The following NFX1 variants were observed in gnomAD, a reference collection of about 807,000 sequenced individuals.
The protein encoded by NFX1 is transcriptional repressor NF-X1.
Under a neutral mutation model 137.2 loss-of-function variants are expected in NFX1, and 69 were observed. That is an observed-to-expected ratio of 0.50 (90% confidence interval 0.41 to 0.61). The LOEUF (loss-of-function observed/expected upper bound fraction) is 0.61. NFX1 is among the 20% of genes least tolerant of loss of function. The probability of loss-of-function intolerance (pLI) is 0.00; values close to 1 mark genes in which losing one functional copy is unlikely to be tolerated. For missense variants in NFX1, 1,167 were observed against 1,391.0 expected (o/e 0.84, Z 2.56); for synonymous variants, 495 against 474.1 (o/e 1.04, Z -0.57).
chr9:33,352,770 A>T (rs536249406), intron 17 of NFX1, 51 bp downstream of exon 17: 4 of 1,473,440 alleles, frequency 2.7e-6, no homozygotes, highest in Admixed American at 1.7e-5. Flanking sequence ...AAACAGATAC[A>T]TGTGTTTTGT....
chr9:33,351,930 T>C, intron 16 of NFX1, 140 bp downstream of exon 16: 1 of 765,638 alleles, frequency 1.3e-6, no homozygotes, highest in East Asian at 2.9e-5. Flanking sequence ...TAGAGAAAGG[T>C]AGAGTAAGTC....
At chr9:33,344,840 T>C (rs1823356062) in intron 14 of NFX1, among the ~76,000 whole-genome samples, 1 of 151,118 alleles carries the variant, frequency 6.6e-6, no homozygotes, top group African/African-American at 2.4e-5. Context: ...CACTCCAGCC[T>C]GGCGACAGAC....
chr9:33,342,722 A>G (rs767700064), intron 12 of NFX1, 24 bp from the exon 13 acceptor site: 1 of 1,515,894 alleles, frequency 6.6e-7, no homozygotes. Context: ...CATTTTATGA[A>G]CAAATATAAA....
chr9:33,322,561 T>A (rs1347833328), intron 9 of NFX1, among the ~76,000 whole-genome samples: 1 of 152,072 alleles, frequency 6.6e-6, no homozygotes, highest in Non-Finnish European at 1.5e-5. Context: ...AGCTCCCACT[T>A]ACAGAATGGA....
chr9:33,334,598 TC>T (rs1161283967), intron 11 of NFX1, among the ~76,000 whole-genome samples: 7 of 152,260 alleles, frequency 4.6e-5, no homozygotes, highest in Non-Finnish European at 5.9e-5. Context: ...CAGATCTTTT[TC>T]CCTATTCATA....
intron 5 of NFX1, among the ~76,000 whole-genome samples, chr9:33,309,371 A>C (rs1821880389): frequency 6.6e-6 from 1 of 152,112 alleles, no homozygotes; most frequent in Non-Finnish European, 1.5e-5. Flanking sequence ...AAAAAAAAAA[A>C]AAACTTAATC....
rs757392035 is a variant in NFX1, at chr9:33,311,157, A to T, written c.1428A>T (p.Thr476=). ...CPPCPAFMTK[T]CECGRTRHTV... ...CCTGCCCTGCCTTTATGACAAAAAC[A>T]TGTGAATGTGGACGAACCAGGTAAA... The change falls in exon 6 of 24, where the codon ACA becomes ACT. Residue 476 remains threonine, a synonymous_variant. Coordinates refer to ENST00000379540, the MANE Select transcript of NFX1 (RefSeq NM_002504.6). 2 of 1,614,186 alleles carry T rather than the reference A, an allele frequency of 1.2e-6. No homozygotes were observed. The highest frequency in any genetic ancestry group is 2.2e-5 in the South Asian group (2 of 91,084).
intron 9 of NFX1, among the ~76,000 whole-genome samples, chr9:33,325,268 A>G (rs1822539091): frequency 1.3e-5 from 2 of 152,212 alleles, no homozygotes; most frequent in Admixed American, 1.3e-4. Context: ...ATCACATACA[A>G]GGGAACCTCT....
intron 23 of NFX1, among the ~76,000 whole-genome samples, chr9:33,368,126 T>C (rs1824223477): frequency 6.6e-6 from 1 of 152,006 alleles, no homozygotes; most frequent in South Asian, 2.1e-4. Context: ...ACACAGCTAC[T>C]TGGGAGACTG....
chr9:33,302,128 T>G (rs1821590482), intron 3 of NFX1, among the ~76,000 whole-genome samples: 1 of 152,072 alleles, frequency 6.6e-6, no homozygotes. Context: ...GCATACGTAA[T>G]AGTTTACATG....
At chr9:33,306,746 G>C (rs993743240) in intron 4 of NFX1, among the ~76,000 whole-genome samples, 7 of 152,126 alleles carry the variant, frequency 4.6e-5, no homozygotes, top group Non-Finnish European at 8.8e-5. Context: ...GAATAGGTGA[G>C]TTCCTGCTAC....
chr9:33,335,227 C>CTTTTT (rs57459026), intron 11 of NFX1, among the ~76,000 whole-genome samples: 16 of 130,508 alleles, frequency 1.2e-4, no homozygotes, highest in African/African-American at 3.2e-4. Flanking sequence ...CTTTCTTTTT[C>CTTTTT]TTTTTTTTTT....
intron 11 of NFX1, chr9:33,332,732 T>C (rs1482151460): frequency 7.2e-6 from 3 of 417,804 alleles, no homozygotes; most frequent in South Asian, 4.7e-5. Flanking sequence ...TTGAAATGCA[T>C]TAAAAAAGAA....
chr9:33,341,710 G>C (rs1470327851), intron 12 of NFX1, among the ~76,000 whole-genome samples: 1 of 152,148 alleles, frequency 6.6e-6, no homozygotes, highest in Non-Finnish European at 1.5e-5. Context: ...GGTGGATCTT[G>C]CTTGATCCAA....
At chr9:33,327,369 C>T (rs1417879555) in intron 9 of NFX1, among the ~76,000 whole-genome samples, 1 of 151,772 alleles carries the variant, frequency 6.6e-6, no homozygotes, top group Non-Finnish European at 1.5e-5. Context: ...CAAGATCCAA[C>T]TATATGCTCT....
chr9:33,349,842 C>T (rs1823570244), intron 15 of NFX1, among the ~76,000 whole-genome samples: 2 of 152,044 alleles, frequency 1.3e-5, no homozygotes, highest in Admixed American at 1.3e-4. Flanking sequence ...GATCCTGTCT[C>T]TACAAATAAT....
intron 19 of NFX1, among the ~76,000 whole-genome samples, chr9:33,357,829 G>A (rs1823862982): frequency 6.6e-6 from 1 of 151,720 alleles, no homozygotes; most frequent in South Asian, 2.1e-4. Flanking sequence ...ATAAGCATGA[G>A]TTACTGCACC....
At chr9:33,314,548 G>A (rs1246798719) in intron 7 of NFX1, among the ~76,000 whole-genome samples, 2 of 151,746 alleles carry the variant, frequency 1.3e-5, no homozygotes, top group East Asian at 3.9e-4. Context: ...GTGGTGGTGG[G>A]CGCCTGTAAT....
chr9:33,325,037 G>T lies in NFX1; in HGVS notation c.1907-3544G>T, dbSNP rs571364819. ...ATGTGGGACACCTTTAACTGTATCA[G>T]TGTACATGTAATTGGAATATGAGGA... On this transcript the variant is annotated intron_variant, in intron 9 of 23. Coordinates refer to ENST00000379540, the MANE Select transcript of NFX1 (RefSeq NM_002504.6). Among the ~76,000 whole-genome samples, 71 of 152,090 alleles carry T rather than the reference G, an allele frequency of 4.7e-4. 1 individual carries two copies. The highest frequency in any genetic ancestry group is 8.5e-4 in the Non-Finnish European group (58 of 68,018).
Sources: allele counts gnomAD v4.1 joint callset (sites outside exome capture counted in the v4.1 genomes callset), GRCh38; gene constraint gnomAD v4.1.1; transcripts MANE v1.5; gene names NCBI Gene and HGNC (gene_info 2026-07-23, HGNC 2026-07-21).